The following CHD6 variants were observed in gnomAD, a reference collection of about 807,000 sequenced individuals.
CHD6 encodes the protein ATP-dependent chromatin remodeler CHD6.
In CHD6, 50 loss-of-function variants were observed where a neutral mutation model predicts 276.9. The observed-to-expected ratio is 0.18, with a 90% CI of 0.14 to 0.23. The LOEUF (loss-of-function observed/expected upper bound fraction) is 0.23. Ranked by LOEUF, CHD6 falls within the 10% of genes least tolerant of loss-of-function variation. The pLI is 1.00. For synonymous variants in CHD6, 1,173 were observed against 1,229.3 expected (o/e 0.95, Z 0.96); for missense variants, 2,564 against 3,365.8 (o/e 0.76, Z 5.89).
chr20:41,421,104 A>G lies in CHD6; in HGVS notation c.5531T>C (p.Leu1844Ser), dbSNP rs924033993. 8 of 1,614,194 alleles carry G rather than the reference A, an allele frequency of 5.0e-6. No homozygotes were observed. The highest frequency in any genetic ancestry group is 1.1e-5 in the South Asian group (1 of 91,080). ...GCTTTTGTTTTCCAATAAATCAATT[A>G]ATTGCTGATCTGATGACAGGTTTCT... Reference protein sequence around the residue: ...SKRNLSSDQQLIDLLENKSLE... With the variant: ...SKRNLSSDQQSIDLLENKSLE... Residue 1844 changes from leucine to serine, a missense_variant, in exon 31 of 37, where the codon TTA (leucine) becomes TCA (serine). By Grantham distance (145) the Leu-to-Ser change is moderately radical. This residue lies in a region of CHD6 where 1,024 missense variants were observed against 1,047.9 expected (regional missense o/e 0.98). Coordinates refer to ENST00000373233, the MANE Select transcript of CHD6 (RefSeq NM_032221.5).
chr20:41,487,700 A>G lies in CHD6; in HGVS notation c.1966T>C (p.Leu656=). ...PSQFPSETAF[L]EEFGDLKTEE... ...GTTTTCAGATCTCCAAATTCCTCCA[A>G]GAAAGCGGTCTCTGAAGGAAACTGT... Residue 656 remains leucine, a synonymous_variant, in exon 14 of 37, where the codon TTG becomes CTG. Coordinates refer to ENST00000373233, the MANE Select transcript of CHD6 (RefSeq NM_032221.5). 1 of 1,610,722 alleles carries G rather than the reference A, an allele frequency of 6.2e-7. No homozygotes were observed. Among genetic ancestry groups the G allele is most frequent in the Non-Finnish European group, 8.5e-7 (1 of 1,179,204 alleles).
chr20:41,403,883 A>G lies in CHD6; in HGVS notation c.*710T>C. The G allele has an allele frequency of 9.5e-7, 1 of 1,056,856 alleles. No individual in the cohort carries two copies. Among genetic ancestry groups the G allele is most frequent in the Non-Finnish European group, 1.1e-6 (1 of 873,974 alleles). The allele number at this position is 1,056,856 out of a possible 1,614,324, so 65.5% of individuals were successfully genotyped here. On this transcript the variant is annotated 3_prime_UTR_variant, in exon 37 of 37. Transcript: ENST00000373233. ...ATGGTGGGTAAAGCTTTCTCGCAGC[A>G]AGAGGAATCTTTTCACTGGTGAGAG...
At chr20:41,561,014 T>C (rs1014658842) in intron 1 of CHD6, among the ~76,000 whole-genome samples, 1 of 152,186 alleles carries the variant, frequency 6.6e-6, no homozygotes, top group Non-Finnish European at 1.5e-5. Context: ...GGCTTCTTCC[T>C]ATGGAACAGG....
intron 14 of CHD6, among the ~76,000 whole-genome samples, chr20:41,486,493 C>G (rs2043417735): frequency 6.6e-6 from 1 of 152,142 alleles, no homozygotes; most frequent in South Asian, 2.1e-4. Context: ...ATTCACTGCT[C>G]TGATGCAAGC....
At chr20:41,492,228 A>G (rs1458267353) in intron 10 of CHD6, among the ~76,000 whole-genome samples, 1 of 152,228 alleles carries the variant, frequency 6.6e-6, no homozygotes, top group African/African-American at 2.4e-5. Context: ...AACCTACAGC[A>G]AATGCTTAAT....
At chr20:41,570,235 AG>A (rs1470292867) in intron 1 of CHD6, among the ~76,000 whole-genome samples, 1 of 152,274 alleles carries the variant, frequency 6.6e-6, no homozygotes, top group African/African-American at 2.4e-5. Flanking sequence ...AACTCTCATT[AG>A]GTTGAATATG....
At chr20:41,413,915 C>T in intron 34 of CHD6, 1 of 157,314 alleles carries the variant, frequency 6.4e-6, no homozygotes, top group East Asian at 1.8e-4. Context: ...TACTCACCCT[C>T]TATAGTTTGA....
chr20:41,492,799 T>C (rs2043587454), intron 10 of CHD6, among the ~76,000 whole-genome samples: 1 of 152,234 alleles, frequency 6.6e-6, no homozygotes, highest in South Asian at 2.1e-4. Flanking sequence ...CACACGCTTG[T>C]ATTCCTAGCT....
chr20:41,403,188 A>G lies in CHD6; in HGVS notation c.*1405T>C. 1.1e-6 allele frequency: 1 copy of G among 892,944 alleles called. No homozygotes were observed. The highest frequency in any genetic ancestry group is 1.7e-5 in the African/African-American group (1 of 57,414). 55.3% of individuals were successfully genotyped at this position (892,944 alleles called of 1,614,324 possible). A position where few individuals can be genotyped will look rare whatever the true frequency, so the allele number is the denominator to read the frequency against. On this transcript the variant is annotated 3_prime_UTR_variant, in exon 37 of 37. Transcript: ENST00000373233. ...TAACAGAAAAAGTAAAAAATACAGT[A>G]AATTGTGACAACAAAAAGTGAAACT... is the stretch of plus-strand genomic sequence containing the variant.
At chr20:41,504,139 GTC>G (rs1568652693) in intron 5 of CHD6, among the ~76,000 whole-genome samples, 2 of 141,456 alleles carry the variant, frequency 1.4e-5, no homozygotes, top group African/African-American at 2.7e-5. Context: ...CATCGCACTT[GTC>G]TCTCTTTCTT....
intron 1 of CHD6, among the ~76,000 whole-genome samples, chr20:41,579,132 A>C (rs2045507634): frequency 3.0e-5 from 3 of 99,112 alleles, no homozygotes; most frequent in African/African-American, 1.4e-4. Context: ...TCCATCTCAA[A>C]AAAAAAAAAA....
At chr20:41,565,220 C>T (rs1489446455) in intron 1 of CHD6, among the ~76,000 whole-genome samples, 3 of 151,900 alleles carry the variant, frequency 2.0e-5, no homozygotes, top group Admixed American at 6.6e-5. Context: ...CTCAGCCTCC[C>T]GAGTAGCTGG....
chr20:41,516,703 A>C (rs966742273), intron 3 of CHD6, among the ~76,000 whole-genome samples: 2 of 152,082 alleles, frequency 1.3e-5, no homozygotes, highest in African/African-American at 2.4e-5. Flanking sequence ...GAACAGAAGC[A>C]CTATGTGATG....
chr20:41,484,023 C>T (rs924037000), intron 15 of CHD6, among the ~76,000 whole-genome samples: 1 of 152,174 alleles, frequency 6.6e-6, no homozygotes, highest in East Asian at 1.9e-4. Context: ...ATTTCCCTGT[C>T]CCCAAGTAGA....
chr20:41,542,791 T>C (rs554088802), intron 2 of CHD6, among the ~76,000 whole-genome samples: 1 of 151,956 alleles, frequency 6.6e-6, no homozygotes, highest in East Asian at 2.0e-4. Flanking sequence ...CCCAGAATTG[T>C]TCTGATATTT....
intron 17 of CHD6, among the ~76,000 whole-genome samples, chr20:41,468,872 A>G (rs2042989326): frequency 6.6e-6 from 1 of 151,948 alleles, no homozygotes; most frequent in Non-Finnish European, 1.5e-5. Context: ...AAAATTAGCC[A>G]GGCATGGGGC....
At chr20:41,596,173 C>G (rs1179785603) in intron 1 of CHD6, among the ~76,000 whole-genome samples, 1 of 152,176 alleles carries the variant, frequency 6.6e-6, no homozygotes. Flanking sequence ...GAAGCTCCAA[C>G]GAGAAATAGA....
chr20:41,489,266 T>C lies in CHD6; in HGVS notation c.1680+512A>G, dbSNP rs142520753. Among the ~76,000 whole-genome samples the C allele has an allele frequency of 2.3e-4, 35 of 152,284 alleles. No individual in the cohort carries two copies. The East Asian group carries it at 6.7e-3, about 29-fold the overall frequency. On this transcript the variant is annotated intron_variant, in intron 12 of 36. Transcript: ENST00000373233. ...TTTTTACCTTAATTATAAAAACCAA[T>C]GTGCAGGACAAACACACAACTATAT...
In CHD6 at chr20:41,514,894, T is replaced by C; in HGVS notation, c.613A>G (p.Thr205Ala). The change falls in exon 4 of 37, where the codon ACT becomes GCT. Residue 205 changes from threonine to alanine, a missense_variant. Physicochemically the swap from Thr to Ala is moderately conservative, Grantham distance 58 (BLOSUM62 0). Transcript: ENST00000373233. ...KKKKGKRKSE[T>A]TVESLELDQG... ...TCCAGCTCTAAACTCTCCACTGTAG[T>C]TTCACTTTTCCTTTTTCCTTTCTTC... 3 of 1,614,048 alleles carry C rather than the reference T, an allele frequency of 1.9e-6. 1 individual carries two copies. In the South Asian group the frequency reaches 3.3e-5, roughly 18 times the overall value.
Sources: allele counts gnomAD v4.1 joint callset (sites outside exome capture counted in the v4.1 genomes callset), GRCh38; gene constraint gnomAD v4.1.1; regional missense constraint gnomAD v4.1.1; transcripts MANE v1.5; gene names NCBI Gene and HGNC (gene_info 2026-07-23, HGNC 2026-07-21).